Variants in FOXN4 observed in about 807,000 individuals in gnomAD.
FOXN4 encodes forkhead box N4.
Under a neutral mutation model 45.0 loss-of-function variants are expected in FOXN4, and 12 were observed. The observed-to-expected ratio is 0.27, with a 90% CI of 0.17 to 0.43. FOXN4 has a LOEUF of 0.43. FOXN4 is among the 20% of genes least tolerant of loss of function. The pLI, the probability that FOXN4 is intolerant of heterozygous loss-of-function variation, is 1.00. For missense variants in FOXN4, 560 were observed against 694.9 expected (o/e 0.81, Z 2.18); for synonymous variants, 297 against 295.0 (o/e 1.01, Z -0.07).
intron 6 of FOXN4, 54 bp from the exon 7 acceptor site, chr12:109,286,798 C>A: frequency 2.6e-6 from 4 of 1,554,830 alleles, no homozygotes; most frequent in African/African-American, 1.3e-5. Flanking sequence ...GCAGGCCAGG[C>A]ATGAAAGGGT....
chr12:109,294,809 C>T (rs765803365), intron 2 of FOXN4, among the ~76,000 whole-genome samples: 1 of 151,782 alleles, frequency 6.6e-6, no homozygotes. Context: ...GAAAGGTCAG[C>T]ACGTGCCCCT....
At chr12:109,284,702 G>A (rs1029941844) in intron 8 of FOXN4, among the ~76,000 whole-genome samples, 6 of 151,128 alleles carry the variant, frequency 4.0e-5, no homozygotes, top group South Asian at 2.1e-4. Context: ...AGGCCTCACC[G>A]GGGTTGGCTA....
At position 109,279,941 on chromosome 12, in the gene FOXN4, CA is replaced by C. The variant is rs2047636742; in HGVS notation, c.1295-12del. 1.1e-5 allele frequency: 17 copies of C among 1,613,750 alleles called. No individual in the cohort carries two copies. Among genetic ancestry groups the C allele is most frequent in the Non-Finnish European group, 1.4e-5 (17 of 1,179,770 alleles). Reference sequence around the variant, plus strand: ...CCTCCCACAGGTTCCCTTTCAAAGACAAAAGCATTAGGGTGAGCTGGCTTCC... The same window carrying C: ...CCTCCCACAGGTTCCCTTTCAAAGACAAAGCATTAGGGTGAGCTGGCTTCC... On this transcript the variant is annotated splice_polypyrimidine_tract_variant and intron_variant, in intron 9 of 9. Transcript: ENST00000299162.
intron 2 of FOXN4, among the ~76,000 whole-genome samples, chr12:109,304,259 G>GA (rs1286569218): frequency 1.1e-5 from 1 of 91,650 alleles, no homozygotes; most frequent in African/African-American, 5.0e-5. Flanking sequence ...AAGAAAGAAA[G>GA]AAAGAAAGAA....
At chr12:109,281,854 A>G in intron 8 of FOXN4, 55 bp from the exon 9 acceptor site, 1 of 1,500,290 alleles carries the variant, frequency 6.7e-7, no homozygotes, top group Non-Finnish European at 8.8e-7. Flanking sequence ...ACCGGGCCCC[A>G]GCCCAGGCCT....
chr12:109,284,343 G>A (rs2047681068), intron 8 of FOXN4, among the ~76,000 whole-genome samples: 1 of 152,240 alleles, frequency 6.6e-6, no homozygotes, highest in South Asian at 2.1e-4. Flanking sequence ...CCAGACGCCT[G>A]TCTTCCCATC....
rs58280775 is a variant in FOXN4 at position 109,304,221 on chromosome 12, G to GAGAAAGAAAGAAAGAAAGAA, written c.86+3995_86+4014dup. Among the ~76,000 whole-genome samples the GAGAAAGAAAGAAAGAAAGAA allele has an allele frequency of 2.0e-3, 166 of 82,522 alleles. 1 individual carries two copies. Among genetic ancestry groups the GAGAAAGAAAGAAAGAAAGAA allele is most frequent in the East Asian group, 4.3e-3 (12 of 2,796 alleles). 54.1% of individuals were successfully genotyped at this position (82,522 alleles called of 152,430 possible). ...AAAAAAAGAAAGAAAAGAAAAGAAA[G>GAGAAAGAAAGAAAGAAAGAA]AGAAAGAAAGAAAGAAAGAAAGAAA... On this transcript the variant is annotated intron_variant, in intron 2 of 9. Transcript: ENST00000299162.
At position 109,287,750 on chromosome 12, in the gene FOXN4, G is replaced by A; in HGVS notation, c.468+94C>T. On this transcript the variant is annotated intron_variant, in intron 5 of 9. Transcript: ENST00000299162. This position sits in a 1 kb window ranked among gnomAD's most constrained non-coding sequence, Gnocchi z 4.1. ...CATGGAGGGAATGTTATCCCCATGT[G>A]CTGGGTGAGTAAACTGAGGCTCAGA... 1.6e-6 allele frequency: 2 copies of A among 1,229,092 alleles called. No individual in the cohort carries two copies. The highest frequency in any genetic ancestry group is 2.2e-6 in the Non-Finnish European group (2 of 901,882). The allele number at this position is 1,229,092 out of a possible 1,614,324, so 76.1% of individuals were successfully genotyped here. A position where few individuals can be genotyped will look rare whatever the true frequency, so the allele number is the denominator to read the frequency against.
At chr12:109,292,302 G>T (rs760742078) in intron 2 of FOXN4, among the ~76,000 whole-genome samples, 1 of 152,170 alleles carries the variant, frequency 6.6e-6, no homozygotes, top group Non-Finnish European at 1.5e-5. Flanking sequence ...GCCCTCCAAA[G>T]CTCCCTGAGT....
rs933785429 is a variant in FOXN4 at position 109,291,468 on chromosome 12, C to T, written c.87-1182G>A. Among the ~76,000 whole-genome samples the T allele has an allele frequency of 1.3e-5, 2 of 151,984 alleles. No homozygotes were observed. Among genetic ancestry groups the T allele is most frequent in the African/African-American group, 2.4e-5 (1 of 41,382 alleles). ...TGAGGGGCAGAGAGAGGCGGGACAC[C>T]GACCCATCCTGCCCTGGTTTTCTGC... On this transcript the variant is annotated intron_variant, in intron 2 of 9. Coordinates refer to ENST00000299162, the MANE Select transcript of FOXN4 (RefSeq NM_213596.3). This position sits in a 1 kb window ranked among gnomAD's most constrained non-coding sequence, Gnocchi z 6.6.
chr12:109,281,621 G>A lies in FOXN4; in HGVS notation c.1080C>T (p.Pro360=), dbSNP rs2047653417. The A allele has an allele frequency of 6.2e-7, 1 of 1,610,226 alleles. No homozygotes were observed. The highest frequency in any genetic ancestry group is 1.3e-5 in the African/African-American group (1 of 74,876). ...PLMTLSLQSV[P]LHHQVQPQAH... ...CCTGGGGCTGGACCTGGTGGTGCAG[G>A]GGGACTGACTGCAGGGACAGGGTCA... Residue 360 remains proline (P), a synonymous_variant, in exon 9 of 10, where the codon CCC becomes CCT. Coordinates refer to ENST00000299162, the MANE Select transcript of FOXN4 (RefSeq NM_213596.3).
At position 109,290,440 on chromosome 12, in the gene FOXN4, A is replaced by C. The variant is rs2047757049; in HGVS notation, c.87-154T>G. ...GCCCGTCCCCAGGACTGGACACGGG[A>C]ACCTGGTCCCAGATCCCTTTCGGCA... On this transcript the variant is annotated intron_variant, in intron 2 of 9. Transcript: ENST00000299162. This position sits in a 1 kb window ranked among gnomAD's most constrained non-coding sequence, Gnocchi z 5.1. 6.6e-6 allele frequency among the ~76,000 whole-genome samples: 1 copy of C among 152,170 alleles called. No homozygotes were observed. Among genetic ancestry groups the C allele is most frequent in the African/African-American group, 2.4e-5 (1 of 41,442 alleles).
intron 2 of FOXN4, among the ~76,000 whole-genome samples, chr12:109,300,063 C>T (rs1265163268): frequency 6.6e-6 from 1 of 152,170 alleles, no homozygotes; most frequent in Non-Finnish European, 1.5e-5. Flanking sequence ...ATCCATCTCA[C>T]GAGGTATGGT....
intron 2 of FOXN4, among the ~76,000 whole-genome samples, chr12:109,302,637 G>A (rs11066182): frequency 0.27 from 40,669 of 152,006 alleles, 5,816 homozygotes; most frequent in Admixed American, 0.38. Context: ...CAGACACATA[G>A]TAGTAGGTGC....
intron 2 of FOXN4, among the ~76,000 whole-genome samples, chr12:109,304,679 T>G (rs938935121): frequency 1.3e-5 from 2 of 152,132 alleles, no homozygotes; most frequent in African/African-American, 4.8e-5. Context: ...CATTGAAAAT[T>G]AACGGCCAAA....
chr12:109,294,176 C>T (rs1335777430), intron 2 of FOXN4, among the ~76,000 whole-genome samples: 1 of 152,096 alleles, frequency 6.6e-6, no homozygotes, highest in African/African-American at 2.4e-5. Flanking sequence ...GAGTTGGGGC[C>T]CCAGCTCAGA....
intron 2 of FOXN4, among the ~76,000 whole-genome samples, chr12:109,297,436 G>A (rs1342173145): frequency 6.6e-6 from 1 of 152,194 alleles, no homozygotes; most frequent in Non-Finnish European, 1.5e-5. Flanking sequence ...CACCTCCTGG[G>A]TTCAAGTGAT....
rs143732244 is a variant in FOXN4 at position 109,295,765 on chromosome 12, G to C, written c.87-5479C>G. 5.7e-3 allele frequency among the ~76,000 whole-genome samples: 865 copies of C among 152,298 alleles called. 13 individuals carry two copies. The highest frequency in any genetic ancestry group is 0.019 in the African/African-American group (805 of 41,564). ...CATGCCACTGCACTCCAGCCTGGGC[G>C]ATAGAGCAAGATACTGTCTCAAAAA... is the stretch of plus-strand genomic sequence containing the variant. On this transcript the variant is annotated intron_variant, in intron 2 of 9. Coordinates refer to ENST00000299162, the MANE Select transcript of FOXN4 (RefSeq NM_213596.3).
In FOXN4 at chr12:109,281,709, G is replaced by T; in HGVS notation, c.992C>A (p.Ala331Asp). The change falls in exon 9 of 10, where the codon GCC becomes GAC. Residue 331 changes from alanine (A) to aspartate (D), a missense_variant. Around this residue, in one of 5 missense-constraint regions of FOXN4, gnomAD observed 315 missense variants for 350.5 expected, o/e 0.90. Transcript: ENST00000299162. ...GCCATGCGCCACGGCCACTGTGGTG[G>T]CGTGAGTCAGCACGGGGGCCTCTGG... ...GEPEAPVLTHATTVAVAHGCL... is the reference protein window; with the variant it reads ...GEPEAPVLTHDTTVAVAHGCL... 1.2e-6 allele frequency: 2 copies of T among 1,611,236 alleles called. No individual in the cohort carries two copies. The highest frequency in any genetic ancestry group is 1.7e-6 in the Non-Finnish European group (2 of 1,179,252).
Sources: allele counts gnomAD v4.1 joint callset (sites outside exome capture counted in the v4.1 genomes callset), GRCh38; gene constraint gnomAD v4.1.1; regional missense constraint gnomAD v4.1.1; non-coding constraint Gnocchi (gnomAD v3.1); transcripts MANE v1.5; gene names NCBI Gene and HGNC (gene_info 2026-07-23, HGNC 2026-07-21).